The following DCDC2C variants were observed in gnomAD, a reference collection of about 807,000 sequenced individuals.
DCDC2C encodes doublecortin domain containing 2C.
In DCDC2C, 44 loss-of-function variants were observed where a neutral mutation model predicts 45.0. The ratio of observed to expected loss-of-function variants is 0.98; its 90% CI spans 0.77 to 1.26. The LOEUF (loss-of-function observed/expected upper bound fraction) is 1.26, where lower values mean the gene tolerates loss of function less well. DCDC2C is among the 50% of genes most tolerant of loss of function. The pLI is 0.00. For synonymous variants in DCDC2C, 187 were observed against 178.8 expected (o/e 1.05, Z -0.37); for missense variants, 447 against 468.9 (o/e 0.95, Z 0.43).
At chr2:3,723,795 C>T (rs1668560459) in intron 2 of DCDC2C, among the ~76,000 whole-genome samples, 2 of 152,062 alleles carry the variant, frequency 1.3e-5, no homozygotes, top group Admixed American at 6.5e-5. Context: ...GACTCAAGAA[C>T]GCCTCCCAGA....
chr2:3,799,881 T>C (rs1477301366), intron 10 of DCDC2C, among the ~76,000 whole-genome samples: 3 of 152,256 alleles, frequency 2.0e-5, no homozygotes, highest in African/African-American at 7.2e-5. Context: ...CTCCTTGAGC[T>C]GTGATGGGCT....
intron 10 of DCDC2C, among the ~76,000 whole-genome samples, chr2:3,800,022 TC>T (rs1671073329): frequency 6.6e-6 from 1 of 152,160 alleles, no homozygotes; most frequent in Non-Finnish European, 1.5e-5. Context: ...TCAGCAAGAC[TC>T]CGTGGGTGTA....
Position 3,846,411 on chromosome 2 carries a change from C to T in DCDC2C, c.1066-743C>T, listed in dbSNP as rs530066610. Among the ~76,000 whole-genome samples, 5 of 152,248 alleles carry T rather than the reference C, an allele frequency of 3.3e-5. No homozygotes were observed. In the East Asian group the frequency reaches 5.8e-4, roughly 18 times the overall value. ...CTGAGACTACAGGCATGAGCCACCA[C>T]GTCTGGCTACTTTTCTTTTTTTTGG... is the stretch of plus-strand genomic sequence containing the variant. On this transcript the variant is annotated intron_variant, in intron 10 of 10. Transcript: ENST00000399143.
intron 10 of DCDC2C, among the ~76,000 whole-genome samples, chr2:3,832,007 G>C (rs1671962594): frequency 6.6e-6 from 1 of 152,152 alleles, no homozygotes. Context: ...AGTGTCTCCT[G>C]GCATGGCGAG....
intron 9 of DCDC2C, among the ~76,000 whole-genome samples, chr2:3,780,428 C>A (rs1670478807): frequency 6.6e-6 from 1 of 152,242 alleles, no homozygotes; most frequent in South Asian, 2.1e-4. Flanking sequence ...CTGGGGGGAT[C>A]CATGCGTATT....
At position 3,779,266 on chromosome 2, in the gene DCDC2C, G is replaced by A. The variant is rs115372128; in HGVS notation, c.1023+382G>A. 9.0e-3 allele frequency among the ~76,000 whole-genome samples: 1,366 copies of A among 152,358 alleles called. 22 individuals carry two copies. Among genetic ancestry groups the A allele is most frequent in the African/African-American group, 0.03 (1,252 of 41,580 alleles). ...GTGGACACCTGGGGTGCTGACTGGC[G>A]TAGTTTGTGGCGTGGTGTCAGTGGC... On this transcript the variant is annotated intron_variant, in intron 9 of 10. Transcript: ENST00000399143.
chr2:3,774,796 T>C (rs904529049), intron 8 of DCDC2C, among the ~76,000 whole-genome samples: 4 of 152,040 alleles, frequency 2.6e-5, no homozygotes, highest in Non-Finnish European at 4.4e-5. Flanking sequence ...GATGGAGTTT[T>C]GCTCTTGTTG....
At chr2:3,727,610 GCTGGCAGTGCC>G (rs1474934405) in intron 3 of DCDC2C, among the ~76,000 whole-genome samples, 2 of 152,208 alleles carry the variant, frequency 1.3e-5, no homozygotes, top group African/African-American at 2.4e-5. Flanking sequence ...CTGGGATGCC[GCTGGCAGTGCC>G]AGGCACCGAG....
At chr2:3,752,973 A>C in intron 5 of DCDC2C, 73 bp downstream of exon 5, 1 of 1,449,734 alleles carries the variant, frequency 6.9e-7, no homozygotes, top group Non-Finnish European at 9.3e-7. Context: ...TCTCTCCCAA[A>C]TAGGTCCAGT....
chr2:3,774,130 A>G lies in DCDC2C; in HGVS notation c.955-4686A>G, dbSNP rs530011240. 3.4e-3 allele frequency among the ~76,000 whole-genome samples: 515 copies of G among 152,356 alleles called. 4 individuals carry two copies. The highest frequency in any genetic ancestry group is 0.015 in the South Asian group (73 of 4,828). ...GAGAAGGTCAATCTAAACTTGGGTAATCTGTGAATTGTTTAATTGGAAAAA... is the reference window on the plus strand; with the variant it reads ...GAGAAGGTCAATCTAAACTTGGGTAGTCTGTGAATTGTTTAATTGGAAAAA... On this transcript the variant is annotated intron_variant, in intron 8 of 10. Transcript: ENST00000399143.
At chr2:3,718,769 G>A (rs927893754) in intron 2 of DCDC2C, among the ~76,000 whole-genome samples, 1 of 152,012 alleles carries the variant, frequency 6.6e-6, no homozygotes, top group Non-Finnish European at 1.5e-5. Context: ...TTGTCGTCTC[G>A]CTGACTTCAA....
At chr2:3,813,068 T>TATATA (rs1491343444) in intron 10 of DCDC2C, among the ~76,000 whole-genome samples, 960 of 51,750 alleles carry the variant, frequency 0.019, 33 homozygotes, top group East Asian at 0.022. Flanking sequence ...TATATATATA[T>TATATA]TTTTTTTTTT....
At chr2:3,762,093 G>A (rs995653262) in intron 6 of DCDC2C, among the ~76,000 whole-genome samples, 1 of 151,360 alleles carries the variant, frequency 6.6e-6, no homozygotes, top group Non-Finnish European at 1.5e-5. Flanking sequence ...GGTGTAAGAC[G>A]TGAGGTTCAT....
At chr2:3,805,979 T>C (rs1671233847) in intron 10 of DCDC2C, among the ~76,000 whole-genome samples, 1 of 152,184 alleles carries the variant, frequency 6.6e-6, no homozygotes, top group African/African-American at 2.4e-5. Context: ...TACCAGCATG[T>C]GACACCATGC....
intron 10 of DCDC2C, among the ~76,000 whole-genome samples, chr2:3,814,911 C>T (rs1671515442): frequency 6.6e-6 from 1 of 152,272 alleles, no homozygotes; most frequent in Admixed American, 6.5e-5. Context: ...GGGAAAAGCA[C>T]AGCCTGGGGC....
In DCDC2C at chr2:3,767,892, T is replaced by C. The variant is rs1225735604; in HGVS notation, c.853+12T>C. On this transcript the variant is annotated intron_variant, in intron 7 of 10. Coordinates refer to ENST00000399143, the MANE Select transcript of DCDC2C (RefSeq NM_001287444.2). ...CCAAAGGGGTGCAGGTGACGTGCAG[T>C]TTCATTCTGCTGTAGGCAGTTCGAA... is the stretch of plus-strand genomic sequence containing the variant. The C allele has an allele frequency of 6.7e-7, 1 of 1,494,948 alleles. No homozygotes were observed. The highest frequency in any genetic ancestry group is 2.6e-5 in the Admixed American group (1 of 38,928). The allele number at this position is 1,494,948 out of a possible 1,614,324, so 92.6% of individuals were successfully genotyped here. A position where few individuals can be genotyped will look rare whatever the true frequency, so the allele number is the denominator to read the frequency against.
chr2:3,718,744 T>G (rs1668414980), intron 2 of DCDC2C, among the ~76,000 whole-genome samples: 1 of 152,192 alleles, frequency 6.6e-6, no homozygotes, highest in Non-Finnish European at 1.5e-5. Context: ...CTGGAGTTGG[T>G]TCCTGCCGGT....
intron 9 of DCDC2C, among the ~76,000 whole-genome samples, chr2:3,781,789 G>C (rs1670515788): frequency 6.6e-6 from 1 of 152,132 alleles, no homozygotes; most frequent in Non-Finnish European, 1.5e-5. Flanking sequence ...AGGATTGCTT[G>C]GGCCCAGGAG....
intron 2 of DCDC2C, among the ~76,000 whole-genome samples, chr2:3,721,434 T>A (rs1289060946): frequency 6.6e-6 from 1 of 152,190 alleles, no homozygotes; most frequent in Non-Finnish European, 1.5e-5. Flanking sequence ...CCTTTCCTGA[T>A]GCTAGATTCT....
Sources: gnomAD v4.1 joint callset for allele counts (sites outside exome capture counted in the v4.1 genomes callset) on GRCh38, gnomAD v4.1.1 for gene constraint, MANE v1.5 for transcripts, NCBI Gene and HGNC (gene_info 2026-07-23, HGNC 2026-07-21) for gene names.